Variants in LPAR3 observed in about 807,000 individuals in gnomAD.
LPAR3 encodes the protein LPA receptor 3.
In LPAR3, 7 loss-of-function variants were observed where a neutral mutation model predicts 17.8. That is an observed-to-expected ratio of 0.39 (90% CI 0.22 to 0.74). The LOEUF is 0.74. LPAR3 is among the 30% of genes least tolerant of loss of function. The probability of loss-of-function intolerance (pLI) is 0.40; values close to 1 mark genes in which losing one functional copy is unlikely to be tolerated. For synonymous variants in LPAR3, 179 were observed against 179.9 expected (o/e 0.99, Z 0.04); for missense variants, 391 against 453.4 (o/e 0.86, Z 1.25).
chr1:84,860,827 C>G (rs1168594992), intron 2 of LPAR3, among the ~76,000 whole-genome samples: 1 of 151,192 alleles, frequency 6.6e-6, no homozygotes, highest in Non-Finnish European at 1.5e-5. Context: ...CAACCTCCAC[C>G]TCCTGGGTTC....
intron 2 of LPAR3, among the ~76,000 whole-genome samples, chr1:84,824,918 G>C (rs1292363822): frequency 6.6e-6 from 1 of 152,204 alleles, no homozygotes; most frequent in Non-Finnish European, 1.5e-5. Context: ...AGATTACCCA[G>C]TGCTTAGCCA....
intron 2 of LPAR3, among the ~76,000 whole-genome samples, chr1:84,815,126 A>AT (rs1658907523): frequency 6.6e-6 from 1 of 152,126 alleles, no homozygotes; most frequent in African/African-American, 2.4e-5. Context: ...CATTATTATT[A>AT]TCCCCAGGAA....
intron 1 of LPAR3, among the ~76,000 whole-genome samples, chr1:84,882,408 A>G (rs1261360269): frequency 1.3e-5 from 2 of 152,332 alleles, no homozygotes; most frequent in East Asian, 3.9e-4. Context: ...AAATGTCCAT[A>G]CTACCCAAAG....
chr1:84,826,181 A>T (rs762824723), intron 2 of LPAR3, among the ~76,000 whole-genome samples: 8 of 151,198 alleles, frequency 5.3e-5, no homozygotes, highest in Non-Finnish European at 1.2e-4. Flanking sequence ...ATGTATATAT[A>T]TACATATATA....
At chr1:84,841,014 T>C (rs1185283235) in intron 2 of LPAR3, among the ~76,000 whole-genome samples, 2 of 152,246 alleles carry the variant, frequency 1.3e-5, no homozygotes, top group African/African-American at 2.4e-5. Flanking sequence ...TTGATCCTCA[T>C]GTCTACAACA....
intron 1 of LPAR3, among the ~76,000 whole-genome samples, chr1:84,879,602 C>T (rs567510406): frequency 1.3e-5 from 2 of 152,314 alleles, no homozygotes; most frequent in South Asian, 2.1e-4. Flanking sequence ...TGAGCCACCA[C>T]GCCCAGCCCA....
At chr1:84,872,595 C>T (rs1279454555) in intron 1 of LPAR3, among the ~76,000 whole-genome samples, 2 of 152,084 alleles carry the variant, frequency 1.3e-5, no homozygotes, top group East Asian at 1.9e-4. Flanking sequence ...TGAGTCCATA[C>T]TGACATAAAT....
intron 2 of LPAR3, among the ~76,000 whole-genome samples, chr1:84,817,961 G>A (rs1228215307): frequency 5.3e-5 from 8 of 152,114 alleles, no homozygotes; most frequent in Non-Finnish European, 1.2e-4. Flanking sequence ...GATGCTTTAC[G>A]GGCCACAGCT....
chr1:84,816,729 C>T (rs975274767), intron 2 of LPAR3, among the ~76,000 whole-genome samples: 1 of 152,140 alleles, frequency 6.6e-6, no homozygotes, highest in South Asian at 2.1e-4. Flanking sequence ...ACCCAGGAGG[C>T]GAAGTTGCAG....
chr1:84,840,029 C>G (rs966951590), intron 2 of LPAR3, among the ~76,000 whole-genome samples: 13 of 151,772 alleles, frequency 8.6e-5, no homozygotes, highest in African/African-American at 2.4e-4. Context: ...CTCAGGCACT[C>G]CTCCCACCTC....
chr1:84,883,725 T>TC (rs1297657092), intron 1 of LPAR3, among the ~76,000 whole-genome samples: 7 of 151,988 alleles, frequency 4.6e-5, no homozygotes, highest in Non-Finnish European at 7.4e-5. Context: ...TTTTTTGTTT[T>TC]TTTTTTTTTT....
chr1:84,865,853 T>C lies in LPAR3; in HGVS notation c.268A>G (p.Thr90Ala). ...GTCAAAGTTTTTGAAACTGGGCCTG[T>C]GTTAAACATCAGGAATACATAGGCA... is the stretch of plus-strand genomic sequence containing the variant. ...GIAYVFLMFN[T>A]GPVSKTLTVN... The change falls in exon 2 of 3, where the codon ACA (threonine) becomes GCA (alanine). Residue 90 changes from threonine to alanine, a missense_variant. Physicochemically the swap from Thr to Ala is moderately conservative, Grantham distance 58. Transcript: ENST00000370611. 1 of 1,614,166 alleles carries C rather than the reference T, an allele frequency of 6.2e-7. No individual in the cohort carries two copies. The highest frequency in any genetic ancestry group is 8.5e-7 in the Non-Finnish European group (1 of 1,180,038).
intron 1 of LPAR3, among the ~76,000 whole-genome samples, chr1:84,892,262 A>ACAT (rs1557613210): frequency 4.5e-5 from 5 of 110,238 alleles, no homozygotes; most frequent in Non-Finnish European, 9.7e-5. Context: ...AATAAATAAA[A>ACAT]ACTAACCTAC....
intron 2 of LPAR3, among the ~76,000 whole-genome samples, chr1:84,859,717 A>G (rs1283870955): frequency 2.0e-5 from 3 of 152,256 alleles, no homozygotes; most frequent in African/African-American, 7.2e-5. Flanking sequence ...TTTGAAAAAC[A>G]TCACTAAAGG....
intron 2 of LPAR3, among the ~76,000 whole-genome samples, chr1:84,848,863 C>T (rs56060437): frequency 0.012 from 1,797 of 152,230 alleles, 16 homozygotes; most frequent in South Asian, 0.034. Context: ...TAAGCAGTCA[C>T]GCAGATCCTA....
At chr1:84,872,117 G>A (rs190944028) in intron 1 of LPAR3, among the ~76,000 whole-genome samples, 16 of 152,264 alleles carry the variant, frequency 1.1e-4, no homozygotes, top group African/African-American at 2.9e-4. Context: ...GGCAGAGAAC[G>A]TATGTTGTTA....
intron 2 of LPAR3, among the ~76,000 whole-genome samples, chr1:84,823,892 G>A (rs976939169): frequency 5.9e-5 from 9 of 152,194 alleles, no homozygotes; most frequent in Non-Finnish European, 4.4e-5. Context: ...TAATCTTAAA[G>A]AATGACAGAT....
At chr1:84,827,677 C>A (rs1659189679) in intron 2 of LPAR3, among the ~76,000 whole-genome samples, 1 of 152,142 alleles carries the variant, frequency 6.6e-6, no homozygotes, top group Non-Finnish European at 1.5e-5. Flanking sequence ...TGCTAATTTA[C>A]AGTTGACTTA....
intron 1 of LPAR3, among the ~76,000 whole-genome samples, chr1:84,867,037 T>C (rs1464781812): frequency 6.6e-6 from 1 of 152,166 alleles, no homozygotes; most frequent in Non-Finnish European, 1.5e-5. Flanking sequence ...ATCTATTAAG[T>C]GAGGGCATGT....
Sources: allele counts gnomAD v4.1 joint callset (sites outside exome capture counted in the v4.1 genomes callset), GRCh38; gene constraint gnomAD v4.1.1; transcripts MANE v1.5; gene names NCBI Gene and HGNC (gene_info 2026-07-23, HGNC 2026-07-21).